LILRB3: variants seen among roughly 807,000 people sequenced by gnomAD.
LILRB3 encodes the protein leukocyte immunoglobulin like receptor B3, also known as leukocyte immunoglobulin-like receptor subfamily B member 3.
In LILRB3, 32 loss-of-function variants were observed where a neutral mutation model predicts 68.2. That is an observed-to-expected ratio of 0.47 (90% CI 0.35 to 0.63). LILRB3 has a LOEUF of 0.63. Ranked by LOEUF, LILRB3 falls within the 30% of genes least tolerant of loss-of-function variation. LILRB3 has a pLI of 0.00. For synonymous variants in LILRB3, 185 were observed against 323.1 expected, an observed-to-expected ratio of 0.57 and a Z score of 4.58; for missense variants, 502 against 791.3, an observed-to-expected ratio of 0.63 and a Z score of 4.39.
chr19:54,216,660 A>G, exon 13 of LILRB3: 1 of 1,036,682 alleles, frequency 9.6e-7, no homozygotes, highest in Non-Finnish European at 1.2e-6. Flanking sequence ...TATAATATTT[A>G]CATTATCATT....
Position 54,219,161 on chromosome 19 carries a change from A to ATC in LILRB3, c.1393_1394insGA (p.Leu465ArgfsTer36). The ATC allele has an allele frequency of 2.2e-5, 36 of 1,606,796 alleles. No homozygotes were observed. The highest frequency in any genetic ancestry group is 2.8e-5 in the Non-Finnish European group (33 of 1,176,810). ...CCTGTGTTTGCTGTGACGCTGACGG[A>ATC]GGAGGAGGAGGAAGAGGAGGAGGAA... On this transcript the variant is annotated frameshift_variant, in exon 8 of 13. Coordinates refer to ENST00000445347, the Ensembl canonical transcript of LILRB3. LOFTEE classifies it high-confidence loss of function.
At chr19:54,219,816 AC>A in intron 7 of LILRB3, 1 of 1,522,118 alleles carries the variant, frequency 6.6e-7, no homozygotes, top group Non-Finnish European at 8.9e-7. Flanking sequence ...GACAGAACCC[AC>A]CCCTGCCTCC....
chr19:54,218,397 G>C (rs780199557), exon 11 of LILRB3: 1 of 1,614,194 alleles, frequency 6.2e-7, no homozygotes, highest in Non-Finnish European at 8.5e-7. Flanking sequence ...CAGACTGTGT[G>C]TCCTTCACAG....
exon 13 of LILRB3, chr19:54,216,852 T>C: frequency 7.1e-7 from 1 of 1,405,450 alleles, no homozygotes; most frequent in South Asian, 1.6e-5. Context: ...CTGTTTTTGT[T>C]TTTTGTTTTT....
rs776247101 is a variant in LILRB3 at position 54,218,422 on chromosome 19, G to C, written c.1541-9C>G. 2.5e-6 allele frequency: 4 copies of C among 1,613,952 alleles called. No individual in the cohort carries two copies. In the African/African-American group the frequency reaches 4.0e-5, roughly 16 times the overall value. On this transcript the variant is annotated splice_polypyrimidine_tract_variant and intron_variant, in intron 10 of 12. Transcript: ENST00000445347. ...GTCCTTCACAGCAGCATCTGCTGGG[G>C]CAGAGCAAGGGGTTCGTCTCCTGGT... is the stretch of plus-strand genomic sequence containing the variant.
chr19:54,219,585 G>A (rs1052873464), intron 7 of LILRB3: 35 of 1,546,670 alleles, frequency 2.3e-5, no homozygotes, highest in Non-Finnish European at 2.9e-5. Flanking sequence ...CCCTGCCCCA[G>A]GTCACCGTCA....
At chr19:54,218,664 G>C (rs375727150) in exon 10 of LILRB3, 1 of 1,614,190 alleles carries the variant, frequency 6.2e-7, no homozygotes, top group African/African-American at 1.3e-5. Context: ...CTTCCTGGAC[G>C]TCAGCAGCTG....
At position 54,222,151 on chromosome 19, in the gene LILRB3, G is replaced by A. The variant is rs58324839; in HGVS notation, c.356-21C>T. 4,207 of 1,548,828 alleles carry A rather than the reference G, an allele frequency of 2.7e-3. 800 individuals are homozygous for A. In the East Asian group the frequency reaches 0.053, roughly 19 times the overall value. On this transcript the variant is annotated intron_variant, in intron 3 of 12. Coordinates refer to ENST00000445347, the Ensembl canonical transcript of LILRB3. ...GAATCCTAGGAGAGAAAGAGGCACC[G>A]TGTTAAATGGGGCTCCCACCTCCCA...
chr19:54,217,164 C>T, exon 13 of LILRB3: 1 of 1,613,828 alleles, frequency 6.2e-7, no homozygotes, highest in Non-Finnish European at 8.5e-7. Flanking sequence ...GGAGGAGGCT[C>T]AGTTGCCTTC....
chr19:54,218,221 C>T (rs918798174), intron 11 of LILRB3, 140 bp downstream of exon 11: 3 of 1,184,236 alleles, frequency 2.5e-6, no homozygotes, highest in Non-Finnish European at 3.8e-6. Context: ...GAGGTCACAG[C>T]AGGCGGGAGG....
At chr19:54,216,325 T>TTC (rs2077481432) in exon 13 of LILRB3, 1 of 150,932 alleles carries the variant, frequency 6.6e-6, no homozygotes, top group Non-Finnish European at 1.5e-5. Flanking sequence ...TTTTTTTTTT[T>TTC]TCGAGACGGA....
At chr19:54,219,909 C>T (rs2077926049) in intron 7 of LILRB3, 1 of 1,544,464 alleles carries the variant, frequency 6.5e-7, no homozygotes, top group Non-Finnish European at 8.8e-7. Context: ...GGGGCTGGTC[C>T]TCAGGACCTC....
At position 54,219,454 on chromosome 19, in the gene LILRB3, C is replaced by T. The variant is rs191235125; in HGVS notation, c.1310-209G>A. 251 of 1,535,998 alleles carry T rather than the reference C, an allele frequency of 1.6e-4. No individual in the cohort carries two copies. In the East Asian group the frequency reaches 4.7e-3, roughly 29 times the overall value. ...CTGCCCCAGGCCTCCAGCGAGGAAG[C>T]GGCAGAGCTGGGAAGGGAGCCCGGG... On this transcript the variant is annotated intron_variant, in intron 7 of 12. Coordinates refer to ENST00000445347, the Ensembl canonical transcript of LILRB3.
intron 8 of LILRB3, 83 bp downstream of exon 8, chr19:54,219,046 A>T: frequency 6.5e-7 from 1 of 1,533,520 alleles, no homozygotes; most frequent in Non-Finnish European, 8.8e-7. Flanking sequence ...CTAAACTGAC[A>T]CCCCTGTGTG....
chr19:54,220,075 G>T (rs1292964060), intron 7 of LILRB3, 80 bp downstream of exon 7: 5 of 1,477,742 alleles, frequency 3.4e-6, no homozygotes, highest in South Asian at 2.5e-5. Context: ...CCGTCCTTGA[G>T]GGGAGGGGAG....
At position 54,218,978 on chromosome 19, in the gene LILRB3, C is replaced by G. The variant is rs1338995019; in HGVS notation, c.1427-140G>C. On this transcript the variant is annotated intron_variant, in intron 8 of 12. Transcript: ENST00000445347. Reference sequence around the variant, plus strand: ...ATTTTATGAGATAGAAAAAAACTCCCATGAATACTGAAGTTTGTAAATGCG... The same window carrying G: ...ATTTTATGAGATAGAAAAAAACTCCGATGAATACTGAAGTTTGTAAATGCG... 4.6e-6 allele frequency: 7 copies of G among 1,526,296 alleles called. No homozygotes were observed. In the African/African-American group the frequency reaches 9.8e-5, roughly 21 times the overall value. The allele number at this position is 1,526,296 out of a possible 1,614,324, so 94.5% of individuals were successfully genotyped here. A position where few individuals can be genotyped will look rare whatever the true frequency, so the allele number is the denominator to read the frequency against.
intron 10 of LILRB3, 89 bp downstream of exon 10, chr19:54,218,556 A>T: frequency 6.2e-7 from 1 of 1,608,004 alleles, no homozygotes; most frequent in Non-Finnish European, 8.5e-7. Context: ...ACGGAGCCCC[A>T]GACCCTTCCC....
Position 54,221,198 on chromosome 19 carries a change from G to A in LILRB3, c.840C>T (p.Asn280=), listed in dbSNP as rs2078137697. The A allele has an allele frequency of 1.0e-5, 16 of 1,550,356 alleles. No homozygotes were observed. The Admixed American group carries it at 3.0e-4, about 29-fold the overall frequency. The change falls in exon 5 of 13, where the codon AAC becomes AAT. Residue 280 remains asparagine, a synonymous_variant. Coordinates refer to ENST00000445347, the Ensembl canonical transcript of LILRB3. ...AGCGGCTCACAGGGCCCAGGGTGAAGTTGGCCTGGGAGAGCCCAGCCTGGG... is the reference window on the plus strand; with the variant it reads ...AGCGGCTCACAGGGCCCAGGGTGAAATTGGCCTGGGAGAGCCCAGCCTGGG...
intron 11 of LILRB3, 40 bp downstream of exon 11, chr19:54,218,321 C>A (rs1186671961): frequency 6.2e-7 from 1 of 1,612,798 alleles, no homozygotes; most frequent in South Asian, 1.1e-5. Context: ...AGATCTGGCA[C>A]CAGGAGGCCT....
Sources: allele counts gnomAD v4.1 joint callset, GRCh38; gene constraint gnomAD v4.1.1; transcripts MANE v1.5; gene names NCBI Gene and HGNC (gene_info 2026-07-23, HGNC 2026-07-21).